The following ERBIN variants were observed in gnomAD, a reference collection of about 807,000 sequenced individuals.
ERBIN encodes the protein densin-180-like protein.
In ERBIN, 60 loss-of-function variants were observed where a neutral mutation model predicts 158.4. That is an observed-to-expected ratio of 0.38 (90% CI 0.31 to 0.47). The LOEUF (loss-of-function observed/expected upper bound fraction) is 0.47. Among genes scored for constraint, ERBIN ranks in the 20% least tolerant of loss-of-function variants. ERBIN has a pLI of 0.99. For synonymous variants in ERBIN, 594 were observed against 557.2 expected (o/e 1.07, Z -0.93); for missense variants, 1,610 against 1,648.0 (o/e 0.98, Z 0.40).
At chr5:65,940,617 G>A (rs1209209793) in intron 1 of ERBIN, among the ~76,000 whole-genome samples, 8 of 124,306 alleles carry the variant, frequency 6.4e-5, no homozygotes, top group East Asian at 2.5e-4. Flanking sequence ...CCCTCTGCCC[G>A]GCCAGCCGCC....
At chr5:66,058,874 T>C (rs1212041833) in intron 21 of ERBIN, among the ~76,000 whole-genome samples, 2 of 152,206 alleles carry the variant, frequency 1.3e-5, no homozygotes, top group Admixed American at 6.5e-5. Context: ...CTGAGGGCTC[T>C]GTTCTGTTCC....
At chr5:66,011,725 T>A (rs1028318061) in intron 4 of ERBIN, among the ~76,000 whole-genome samples, 2 of 152,120 alleles carry the variant, frequency 1.3e-5, no homozygotes, top group Non-Finnish European at 2.9e-5. Flanking sequence ...TCCTTTTTTT[T>A]TAAAGTGAGA....
intron 21 of ERBIN, among the ~76,000 whole-genome samples, chr5:66,066,860 T>G (rs1561451282): frequency 6.6e-6 from 1 of 152,194 alleles, no homozygotes; most frequent in Non-Finnish European, 1.5e-5. Context: ...CAGGAAGCAG[T>G]TTTACGTGGA....
Position 65,987,888 on chromosome 5 carries a change from CAATT to C in ERBIN, c.-57-744_-57-741del, listed in dbSNP as rs1751439816. ...TAGAAGGGAAAATAAATCCCATAAACAATTAACAGTGCCTGCCACATAGAACTAT... is the reference window on the plus strand; with the variant it reads ...TAGAAGGGAAAATAAATCCCATAAACAACAGTGCCTGCCACATAGAACTAT... On this transcript the variant is annotated intron_variant, in intron 1 of 25. Transcript: ENST00000284037. Among the ~76,000 whole-genome samples the C allele has an allele frequency of 2.0e-5, 3 of 148,982 alleles. No individual in the cohort carries two copies. The South Asian group carries it at 6.4e-4, about 32-fold the overall frequency.
chr5:66,052,325 C>T (rs36300), intron 20 of ERBIN, among the ~76,000 whole-genome samples: 126,718 of 152,122 alleles, frequency 0.83, 53,335 homozygotes, highest in African/African-American at 0.88. Flanking sequence ...TATATTAATG[C>T]GTGTTGTTGG....
chr5:65,954,910 C>T (rs757224749), intron 1 of ERBIN, among the ~76,000 whole-genome samples: 4 of 151,682 alleles, frequency 2.6e-5, no homozygotes, highest in Non-Finnish European at 5.9e-5. Flanking sequence ...ACTAAAAATA[C>T]AGTAATTAGC....
Position 66,034,236 on chromosome 5 carries a change from G to A in ERBIN, c.1207-4147G>A, listed in dbSNP as rs559401959. ...TGGGTATGACGTTTGTGAAAGGGAG[G>A]AGAGGAAATAGTGTACATTATGATA... On this transcript the variant is annotated intron_variant, in intron 14 of 25. Transcript: ENST00000284037. Among the ~76,000 whole-genome samples, 12 of 152,144 alleles carry A rather than the reference G, an allele frequency of 7.9e-5. No individual in the cohort carries two copies. The South Asian group carries it at 2.5e-3, about 32-fold the overall frequency.
intron 1 of ERBIN, among the ~76,000 whole-genome samples, chr5:65,947,386 C>A (rs141163145): frequency 6.6e-6 from 1 of 152,070 alleles, no homozygotes; most frequent in Admixed American, 6.6e-5. Context: ...CATGCCACCA[C>A]GCCTGGATAA....
Position 65,976,746 on chromosome 5 carries a change from T to TAACAG in ERBIN, c.-57-11889_-57-11888insAACAG, listed in dbSNP as rs1335878619. 4.6e-5 allele frequency among the ~76,000 whole-genome samples: 7 copies of TAACAG among 151,826 alleles called. No homozygotes were observed. In the East Asian group the frequency reaches 1.4e-3, roughly 29 times the overall value. ...ACGGAGCATGCTGCCTTCAAGCATC[T>TAACAG]GTTTAACAAAGCACATCTTGCACCG... On this transcript the variant is annotated intron_variant, in intron 1 of 25. Coordinates refer to ENST00000284037, the MANE Select transcript of ERBIN (RefSeq NM_001253697.2).
In ERBIN at chr5:66,076,385, A is replaced by T. The variant is rs746855676; in HGVS notation, c.4033A>T (p.Asn1345Tyr). The T allele has an allele frequency of 1.2e-6, 2 of 1,613,346 alleles. No homozygotes were observed. The highest frequency in any genetic ancestry group is 2.2e-5 in the South Asian group (2 of 90,952). ...SISGGVGGRG[N>Y]PFRPDDDGIF... ...ATCAGGTGGTGTCGGGGGTAGAGGA[A>T]ACCCATTCAGACCTGATGATGATGT... The change falls in exon 24 of 26, where the codon AAC becomes TAC. Residue 1345 changes from asparagine to tyrosine, a missense_variant. By Grantham distance (143) the Asn-to-Tyr change is moderately radical. Coordinates refer to ENST00000284037, the MANE Select transcript of ERBIN (RefSeq NM_001253697.2).
intron 1 of ERBIN, among the ~76,000 whole-genome samples, chr5:65,977,646 G>A (rs1255050397): frequency 5.3e-5 from 8 of 151,374 alleles, no homozygotes; most frequent in Non-Finnish European, 8.8e-5. Context: ...GATGGTGGCC[G>A]GGCAGAGACG....
rs533207916 is a variant in ERBIN at position 65,936,353 on chromosome 5, T to C, written c.-58+9547T>C. On this transcript the variant is annotated intron_variant, in intron 1 of 25. Transcript: ENST00000284037. The stretch of plus-strand genomic sequence containing the variant: ...GACTAGAATAAATCTCTCAGTCTTC[T>C]AGGAAAAGATAAGGATCTTGGCAGC... Among the ~76,000 whole-genome samples, 8 of 152,306 alleles carry C rather than the reference T, an allele frequency of 5.3e-5. 1 individual carries two copies. Among genetic ancestry groups the C allele is most frequent in the African/African-American group, 1.9e-4 (8 of 41,574 alleles).
intron 2 of ERBIN, among the ~76,000 whole-genome samples, chr5:65,990,389 C>A (rs1351879897): frequency 7.1e-6 from 1 of 141,360 alleles, no homozygotes. Context: ...AGTAAGTAGG[C>A]CGAGTGCAGT....
chr5:66,054,065 C>T lies in ERBIN; in HGVS notation c.2747C>T (p.Ala916Val). The change falls in exon 21 of 26, where the codon GCC (alanine) becomes GTC (valine). Residue 916 changes from alanine (A) to valine (V), a missense_variant. By Grantham distance (64) the Ala-to-Val change is moderately conservative (BLOSUM62 0). Transcript: ENST00000284037. Reference sequence around the variant, plus strand: ...AAAAATATAGTCAGGAGCAAGTCTGCCACACTGTTGTATGATCAACCATTG... The same window carrying T: ...AAAAATATAGTCAGGAGCAAGTCTGTCACACTGTTGTATGATCAACCATTG... ...DGKNIVRSKS[A>V]TLLYDQPLQV... 2 of 1,614,160 alleles carry T rather than the reference C, an allele frequency of 1.2e-6. No individual in the cohort carries two copies. Among genetic ancestry groups the T allele is most frequent in the Admixed American group, 1.7e-5 (1 of 60,020 alleles).
chr5:65,962,505 T>A (rs966529314), intron 1 of ERBIN, among the ~76,000 whole-genome samples: 2 of 152,200 alleles, frequency 1.3e-5, no homozygotes, highest in Admixed American at 1.3e-4. Context: ...TAAATCTCCG[T>A]AGCTTTTTAC....
chr5:65,977,453 A>T (rs1291321564), intron 1 of ERBIN, among the ~76,000 whole-genome samples: 2 of 142,474 alleles, frequency 1.4e-5, no homozygotes, highest in Non-Finnish European at 1.5e-5. Flanking sequence ...GGTGGTTGCC[A>T]GGCAGAGGGT....
chr5:66,003,967 C>T (rs1753279258), intron 4 of ERBIN, among the ~76,000 whole-genome samples: 1 of 116,952 alleles, frequency 8.6e-6, no homozygotes, highest in African/African-American at 3.3e-5. Context: ...CGGTGTCTTG[C>T]TCTGTTTGTT....
intron 23 of ERBIN, 104 bp from the exon 24 acceptor site, chr5:66,076,206 CTTATGT>C (rs953662641): frequency 1.1e-5 from 8 of 758,340 alleles, no homozygotes; most frequent in African/African-American, 3.6e-5. Context: ...TTGATGAATT[CTTATGT>C]TTATGTTTGC....
intron 4 of ERBIN, among the ~76,000 whole-genome samples, chr5:66,005,381 T>G (rs1027058483): frequency 6.6e-6 from 1 of 152,136 alleles, no homozygotes; most frequent in Non-Finnish European, 1.5e-5. Context: ...GAGCTCAGTT[T>G]TTTTGAGATC....
Sources: gnomAD v4.1 joint callset for allele counts (sites outside exome capture counted in the v4.1 genomes callset) on GRCh38, gnomAD v4.1.1 for gene constraint, MANE v1.5 for transcripts, NCBI Gene and HGNC (gene_info 2026-07-23, HGNC 2026-07-21) for gene names.